The following AFTPH variants were observed in gnomAD, a reference collection of about 807,000 sequenced individuals.
AFTPH encodes aftiphilin protein.
Under a neutral mutation model 72.5 loss-of-function variants are expected in AFTPH, and 7 were observed. The observed-to-expected ratio is 0.10, with a 90% CI of 0.05 to 0.18. The LOEUF (loss-of-function observed/expected upper bound fraction) is 0.18. AFTPH is among the 10% of genes least tolerant of loss of function. The probability of loss-of-function intolerance (pLI) is 1.00; values close to 1 mark genes in which losing one functional copy is unlikely to be tolerated. For missense variants in AFTPH, 979 were observed against 1,060.5 expected (o/e 0.92, Z 1.07); for synonymous variants, 337 against 370.1 (o/e 0.91, Z 1.03).
intron 5 of AFTPH, 22 bp from the exon 6 acceptor site, chr2:64,572,924 A>G (rs748287468): frequency 6.2e-7 from 1 of 1,613,832 alleles, no homozygotes; most frequent in East Asian, 2.2e-5. Flanking sequence ...ATCCCCATTA[A>G]AGGCTAATAT....
intron 1 of AFTPH, among the ~76,000 whole-genome samples, chr2:64,539,785 G>A (rs77389835): frequency 2.6e-5 from 4 of 152,148 alleles, no homozygotes; most frequent in South Asian, 2.1e-4. Flanking sequence ...GAGCAGTTTC[G>A]GTAGAGCGGT....
intron 1 of AFTPH, among the ~76,000 whole-genome samples, chr2:64,544,803 G>A (rs1670464865): frequency 1.3e-5 from 2 of 152,138 alleles, no homozygotes; most frequent in African/African-American, 4.8e-5. Flanking sequence ...TAGAAGCAGT[G>A]GCACTCTCTT....
At chr2:64,537,465 A>C (rs1669960202) in intron 1 of AFTPH, among the ~76,000 whole-genome samples, 1 of 152,232 alleles carries the variant, frequency 6.6e-6, no homozygotes, top group African/African-American at 2.4e-5. Context: ...AGAATTCATT[A>C]AAATGTTTCG....
chr2:64,530,209 A>G (rs140892492), intron 1 of AFTPH, among the ~76,000 whole-genome samples: 1 of 152,152 alleles, frequency 6.6e-6, no homozygotes, highest in Non-Finnish European at 1.5e-5. Context: ...ATAATAATGC[A>G]TATTTTCCTA....
chr2:64,579,410 A>AT (rs566747917), intron 6 of AFTPH, 76 bp from the exon 7 acceptor site: 105,009 of 910,196 alleles, frequency 0.12, 518 homozygotes, highest in Non-Finnish European at 0.13. Context: ...TCTTGCTATA[A>AT]TTTTTTTTTT....
intron 2 of AFTPH, among the ~76,000 whole-genome samples, chr2:64,557,761 C>CAACAAAAT (rs1185014616): frequency 2.0e-5 from 3 of 152,188 alleles, no homozygotes; most frequent in African/African-American, 7.2e-5. Flanking sequence ...CAGAAGTAAG[C>CAACAAAAT]AACAAAATAA....
At chr2:64,564,621 T>A (rs1236930485) in intron 2 of AFTPH, among the ~76,000 whole-genome samples, 10 of 143,680 alleles carry the variant, frequency 7.0e-5, no homozygotes, top group African/African-American at 2.9e-4. Context: ...CTCAAAAAAA[T>A]AAAAAATAAA....
intron 8 of AFTPH, among the ~76,000 whole-genome samples, chr2:64,586,275 T>A (rs966854595): frequency 2.6e-5 from 4 of 152,366 alleles, no homozygotes; most frequent in African/African-American, 7.2e-5. Flanking sequence ...ACTGGTTGAT[T>A]GACACGCCAG....
chr2:64,558,516 ATTAC>A (rs1225271956), intron 2 of AFTPH, among the ~76,000 whole-genome samples: 17 of 152,318 alleles, frequency 1.1e-4, no homozygotes, highest in South Asian at 2.1e-4. Context: ...AAGAAACATA[ATTAC>A]TTACCCAGTT....
At position 64,540,787 on chromosome 2, in the gene AFTPH, A is replaced by G. The variant is rs182153264; in HGVS notation, c.-32-10656A>G. ...TAAAGGTATTTTGCTGCTCATTTTC[A>G]TTGTTTGCTCATATTTTGTACTATA... On this transcript the variant is annotated intron_variant, in intron 1 of 8. Coordinates refer to ENST00000238856, the Ensembl canonical transcript of AFTPH. Among the ~76,000 whole-genome samples, 572 of 152,038 alleles carry G rather than the reference A, an allele frequency of 3.8e-3. 3 individuals carry two copies. Among genetic ancestry groups the G allele is most frequent in the African/African-American group, 0.012 (516 of 41,472 alleles).
chr2:64,568,329 A>G (rs752769833), intron 3 of AFTPH, among the ~76,000 whole-genome samples: 10 of 151,878 alleles, frequency 6.6e-5, no homozygotes, highest in Non-Finnish European at 8.8e-5. Flanking sequence ...TTATAGTACA[A>G]CTTCTTCCTG....
intron 1 of AFTPH, among the ~76,000 whole-genome samples, chr2:64,530,895 C>G (rs1042556369): frequency 6.6e-6 from 1 of 151,848 alleles, no homozygotes; most frequent in African/African-American, 2.4e-5. Flanking sequence ...AACCCCGTCT[C>G]TACTAAAAAT....
At chr2:64,544,572 A>G (rs1670450061) in intron 1 of AFTPH, among the ~76,000 whole-genome samples, 2 of 151,626 alleles carry the variant, frequency 1.3e-5, no homozygotes, top group South Asian at 4.2e-4. Context: ...GTACTAAAGT[A>G]GCTTATCTAT....
intron 5 of AFTPH, among the ~76,000 whole-genome samples, chr2:64,572,718 TGTG>T (rs1672516933): frequency 6.6e-6 from 1 of 151,966 alleles, no homozygotes; most frequent in Non-Finnish European, 1.5e-5. Context: ...AATAGCTGGG[TGTG>T]GTGGCATCAG....
At chr2:64,546,173 G>T (rs183703539) in intron 1 of AFTPH, among the ~76,000 whole-genome samples, 38 of 150,150 alleles carry the variant, frequency 2.5e-4, no homozygotes, top group Admixed American at 2.1e-3. Flanking sequence ...GATTACAGGC[G>T]TGAGCCACTG....
intron 6 of AFTPH, among the ~76,000 whole-genome samples, chr2:64,573,294 G>A (rs1672555640): frequency 6.6e-6 from 1 of 152,074 alleles, no homozygotes; most frequent in Admixed American, 6.5e-5. Flanking sequence ...GTGATTATGG[G>A]TAAGTTCTTA....
intron 1 of AFTPH, among the ~76,000 whole-genome samples, chr2:64,549,827 A>C (rs1670922966): frequency 6.6e-6 from 1 of 152,216 alleles, no homozygotes; most frequent in Non-Finnish European, 1.5e-5. Flanking sequence ...CATACACCAA[A>C]ATAAGTTCTA....
intron 7 of AFTPH, among the ~76,000 whole-genome samples, chr2:64,582,428 T>C (rs912988659): frequency 2.6e-5 from 4 of 152,238 alleles, no homozygotes; most frequent in African/African-American, 9.6e-5. Context: ...TGGTATAGAA[T>C]GACTGGATTC....
intron 7 of AFTPH, among the ~76,000 whole-genome samples, chr2:64,583,871 C>T (rs1255622659): frequency 6.6e-6 from 1 of 152,108 alleles, no homozygotes; most frequent in African/African-American, 2.4e-5. Context: ...TTTCTGTAAA[C>T]ATCTGAGATC....
Sources: allele counts gnomAD v4.1 joint callset (sites outside exome capture counted in the v4.1 genomes callset), GRCh38; gene constraint gnomAD v4.1.1; transcripts MANE v1.5; gene names NCBI Gene and HGNC (gene_info 2026-07-23, HGNC 2026-07-21).